The following OSTF1 variants were observed in gnomAD, a reference collection of about 807,000 sequenced individuals.
OSTF1 encodes osteoclast-stimulating factor 1.
Under a neutral mutation model 37.2 loss-of-function variants are expected in OSTF1, and 27 were observed. That is an observed-to-expected ratio of 0.73 (90% CI 0.54 to 1.00). OSTF1 has a LOEUF of 1.00. Ranked by LOEUF, OSTF1 falls within the 50% of genes least tolerant of loss-of-function variation. The pLI is 0.00. For missense variants in OSTF1, 232 were observed against 253.8 expected, an observed-to-expected ratio of 0.91 and a Z score of 0.58; for synonymous variants, 82 against 89.2, an observed-to-expected ratio of 0.92 and a Z score of 0.46.
rs540529979 is a variant in OSTF1, at chr9:75,118,037, C to G, written c.81+487C>G. Among the ~76,000 whole-genome samples, 20 of 152,306 alleles carry G rather than the reference C, an allele frequency of 1.3e-4. No individual in the cohort carries two copies. In the South Asian group the frequency reaches 3.7e-3, roughly 28 times the overall value. On this transcript the variant is annotated intron_variant, in intron 2 of 9. Coordinates refer to ENST00000346234, the MANE Select transcript of OSTF1 (RefSeq NM_012383.5). ...TTAAGCGCCTATTATATGCCAGACA[C>G]TGGTCCAGGCCTTGTGACTAGTGCA...
intron 2 of OSTF1, 81 bp from the exon 3 acceptor site, chr9:75,127,486 AAT>A: frequency 1.3e-6 from 1 of 744,986 alleles, no homozygotes; most frequent in Non-Finnish European, 2.2e-6. Context: ...TGCTTATTAG[AAT>A]ATGATAGAAT....
At chr9:75,119,554 T>A (rs920446531) in intron 2 of OSTF1, among the ~76,000 whole-genome samples, 2 of 152,234 alleles carry the variant, frequency 1.3e-5, no homozygotes, top group Admixed American at 6.5e-5. Flanking sequence ...GAGATCAAGG[T>A]GTCGGCAGGA....
At chr9:75,129,063 A>C (rs1825722548) in intron 3 of OSTF1, among the ~76,000 whole-genome samples, 1 of 152,156 alleles carries the variant, frequency 6.6e-6, no homozygotes, top group Non-Finnish European at 1.5e-5. Context: ...AAAACATGGA[A>C]GCTCCTAAAG....
intron 8 of OSTF1, among the ~76,000 whole-genome samples, chr9:75,139,936 A>G (rs982995821): frequency 6.6e-6 from 1 of 152,202 alleles, no homozygotes; most frequent in Non-Finnish European, 1.5e-5. Flanking sequence ...TTGTTCAAGG[A>G]TGTTCACTGG....
intron 9 of OSTF1, among the ~76,000 whole-genome samples, chr9:75,144,293 C>T (rs1825987300): frequency 6.6e-6 from 1 of 152,152 alleles, no homozygotes; most frequent in African/African-American, 2.4e-5. Context: ...TGGCGGCTCA[C>T]ACCTGTAATC....
chr9:75,134,322 G>A, intron 6 of OSTF1, 24 bp from the exon 7 acceptor site: 1 of 1,323,464 alleles, frequency 7.6e-7, no homozygotes, highest in Non-Finnish European at 1.1e-6. Flanking sequence ...TTCTTAAAAG[G>A]TATCTTTTCT....
chr9:75,130,883 CTTATGGT>C (rs1825752064), intron 4 of OSTF1, among the ~76,000 whole-genome samples: 1 of 152,110 alleles, frequency 6.6e-6, no homozygotes, highest in African/African-American at 2.4e-5. Flanking sequence ...CAAGGAAACA[CTTATGGT>C]TTTACTTTCT....
intron 1 of OSTF1, 91 bp downstream of exon 1, chr9:75,088,817 CACCCGGCCCCGAGCCTGGCTTCCGAG>C (rs985317387): frequency 2.3e-6 from 3 of 1,290,396 alleles, no homozygotes; most frequent in African/African-American, 2.9e-5. Flanking sequence ...ACCCGGCGCG[CACCCGGCCCCGAGCCTGGCTTCCGAG>C]ATCGGCCCCA....
intron 2 of OSTF1, among the ~76,000 whole-genome samples, chr9:75,119,565 T>C (rs1192621983): frequency 1.3e-5 from 2 of 152,202 alleles, no homozygotes; most frequent in African/African-American, 2.4e-5. Context: ...GTCGGCAGGA[T>C]TGGTTTCTTC....
At chr9:75,107,773 T>C (rs1394371022) in intron 1 of OSTF1, among the ~76,000 whole-genome samples, 1 of 152,172 alleles carries the variant, frequency 6.6e-6, no homozygotes, top group African/African-American at 2.4e-5. Flanking sequence ...AAATCTACCA[T>C]TAAGCTTTGG....
At chr9:75,123,515 CCTAA>C (rs1381735744) in intron 2 of OSTF1, among the ~76,000 whole-genome samples, 1 of 152,200 alleles carries the variant, frequency 6.6e-6, no homozygotes, top group Non-Finnish European at 1.5e-5. Flanking sequence ...ATTTCTGTTC[CCTAA>C]CTGTGATGCT....
At chr9:75,121,724 C>G (rs543921162) in intron 2 of OSTF1, among the ~76,000 whole-genome samples, 1 of 152,334 alleles carries the variant, frequency 6.6e-6, no homozygotes, top group East Asian at 1.9e-4. Context: ...TTTGGTCTCT[C>G]TCTCTCCCCT....
At chr9:75,093,746 C>T (rs955358089) in intron 1 of OSTF1, among the ~76,000 whole-genome samples, 11 of 151,502 alleles carry the variant, frequency 7.3e-5, no homozygotes, top group African/African-American at 2.7e-4. Context: ...TATTTTTTAC[C>T]CCAACAAAGG....
intron 1 of OSTF1, among the ~76,000 whole-genome samples, chr9:75,101,544 G>A (rs1455306829): frequency 2.0e-5 from 3 of 152,136 alleles, no homozygotes; most frequent in East Asian, 3.9e-4. Context: ...GCTCTTGTAC[G>A]TGCTACATAA....
At chr9:75,090,001 A>G (rs1289285439) in intron 1 of OSTF1, among the ~76,000 whole-genome samples, 1 of 152,182 alleles carries the variant, frequency 6.6e-6, no homozygotes, top group Non-Finnish European at 1.5e-5. Flanking sequence ...TGCCCTGGGC[A>G]AAGATGGGGC....
At chr9:75,109,118 T>A (rs1236918544) in intron 1 of OSTF1, among the ~76,000 whole-genome samples, 1 of 151,568 alleles carries the variant, frequency 6.6e-6, no homozygotes, top group East Asian at 1.9e-4. Flanking sequence ...GTTCAAGAGA[T>A]TCTCCTGCCT....
rs1825517780 is a variant in OSTF1 at position 75,117,896 on chromosome 9, CA to C, written c.81+350del. On this transcript the variant is annotated intron_variant, in intron 2 of 9. Coordinates refer to ENST00000346234, the MANE Select transcript of OSTF1 (RefSeq NM_012383.5). ...TCATTCTCCTCTTGACCCTCTACCT[CA>C]AAATAGCTCATAATGATACCTACTG... Among the ~76,000 whole-genome samples the C allele has an allele frequency of 2.0e-5, 3 of 152,228 alleles. No homozygotes were observed. In the South Asian group the frequency reaches 6.2e-4, roughly 32 times the overall value.
chr9:75,100,083 T>G (rs1306062491), intron 1 of OSTF1, among the ~76,000 whole-genome samples: 2 of 152,262 alleles, frequency 1.3e-5, no homozygotes, highest in African/African-American at 4.8e-5. Flanking sequence ...AGGTTACTTC[T>G]GCATGTAGAC....
intron 1 of OSTF1, among the ~76,000 whole-genome samples, chr9:75,096,989 T>C (rs1825098185): frequency 6.6e-6 from 1 of 152,222 alleles, no homozygotes; most frequent in Non-Finnish European, 1.5e-5. Context: ...TTGGGCTTAT[T>C]GTTTGGATGA....
Sources: allele counts gnomAD v4.1 joint callset (sites outside exome capture counted in the v4.1 genomes callset), GRCh38; gene constraint gnomAD v4.1.1; transcripts MANE v1.5; gene names NCBI Gene and HGNC (gene_info 2026-07-23, HGNC 2026-07-21).